ADCY2: variants seen among roughly 807,000 people sequenced by gnomAD.
ADCY2 encodes adenylate cyclase 2.
ADCY2 carries 31 observed loss-of-function variants against 125.2 expected under a neutral mutation model. That is an observed-to-expected ratio of 0.25 (90% confidence interval 0.19 to 0.33). ADCY2 has a LOEUF of 0.33. Ranked by LOEUF, ADCY2 falls within the 10% of genes least tolerant of loss-of-function variation. ADCY2 has a pLI of 1.00. For missense variants in ADCY2, 904 were observed against 1,418.2 expected (o/e 0.64, Z 5.82); for synonymous variants, 512 against 548.4 (o/e 0.93, Z 0.93).
intron 22 of ADCY2, among the ~76,000 whole-genome samples, chr5:7,805,130 A>G (rs965787083): frequency 6.6e-6 from 1 of 151,708 alleles, no homozygotes; most frequent in Non-Finnish European, 1.5e-5. Context: ...AACCTGGGCA[A>G]CATAGTGAAA....
chr5:7,714,612 C>T (rs1375041708), intron 11 of ADCY2, among the ~76,000 whole-genome samples: 1 of 152,218 alleles, frequency 6.6e-6, no homozygotes, highest in Non-Finnish European at 1.5e-5. Context: ...CATTTGTGCC[C>T]AGGCTCTGTG....
chr5:7,581,978 G>T (rs976078881), intron 3 of ADCY2, among the ~76,000 whole-genome samples: 1 of 152,106 alleles, frequency 6.6e-6, no homozygotes. Flanking sequence ...CTGACTAAAA[G>T]ATGATATTTT....
At position 7,816,902 on chromosome 5, in the gene ADCY2, G is replaced by A; in HGVS notation, c.2920G>A (p.Val974Met). Reference sequence around the variant, plus strand: ...GCAGTACATGCACATTGGCACCATGGTGGAGTTTGCTTTTGCCCTGGTAGG... The same window carrying A: ...GCAGTACATGCACATTGGCACCATGATGGAGTTTGCTTTTGCCCTGGTAGG... ...ERQYMHIGTM[V>M]EFAFALVGKL... The change falls in exon 23 of 25, where the codon GTG becomes ATG. Residue 974 changes from valine (V) to methionine (M), a missense_variant. Val to Met is a conservative substitution (Grantham distance 21, BLOSUM62 1). Transcript: ENST00000338316. The A allele has an allele frequency of 6.2e-7, 1 of 1,614,160 alleles. No homozygotes were observed. The highest frequency in any genetic ancestry group is 8.5e-7 in the Non-Finnish European group (1 of 1,180,016).
At chr5:7,817,823 C>CAAAAAAA (rs57731885) in intron 23 of ADCY2, among the ~76,000 whole-genome samples, 26 of 78,302 alleles carry the variant, frequency 3.3e-4, no homozygotes, top group Non-Finnish European at 5.6e-4. Context: ...ACGCTGTCAC[C>CAAAAAAA]AAAAAAAAAA....
intron 2 of ADCY2, among the ~76,000 whole-genome samples, chr5:7,445,126 T>C (rs1271930625): frequency 6.6e-6 from 1 of 152,250 alleles, no homozygotes; most frequent in South Asian, 2.1e-4. Flanking sequence ...AATCTTATAG[T>C]GTGTTTGGAG....
intron 22 of ADCY2, among the ~76,000 whole-genome samples, chr5:7,810,692 A>G (rs1744912594): frequency 6.6e-6 from 1 of 152,094 alleles, no homozygotes; most frequent in African/African-American, 2.4e-5. Flanking sequence ...TTGGTGGGTT[A>G]TCTACCTGAT....
chr5:7,530,000 A>G (rs1734590549), intron 3 of ADCY2, among the ~76,000 whole-genome samples: 1 of 152,130 alleles, frequency 6.6e-6, no homozygotes, highest in African/African-American at 2.4e-5. Context: ...CCTAATAAAC[A>G]CAACCTCATT....
intron 2 of ADCY2, among the ~76,000 whole-genome samples, chr5:7,430,929 G>A (rs190205066): frequency 2.0e-5 from 3 of 152,234 alleles, no homozygotes; most frequent in Admixed American, 2.0e-4. Context: ...CAATGACAAT[G>A]TTAAATGTTA....
chr5:7,404,146 T>A (rs1739380903), intron 1 of ADCY2, among the ~76,000 whole-genome samples: 1 of 152,224 alleles, frequency 6.6e-6, no homozygotes. Context: ...AATTCTCAAA[T>A]TTAACTGCAT....
intron 15 of ADCY2, among the ~76,000 whole-genome samples, chr5:7,754,862 G>GAAA (rs905197674): frequency 7.2e-6 from 1 of 139,444 alleles, no homozygotes; most frequent in African/African-American, 2.6e-5. Flanking sequence ...TCCGTCTCAG[G>GAAA]AAAAAAAAAA....
intron 2 of ADCY2, among the ~76,000 whole-genome samples, chr5:7,445,013 A>C (rs542128594): frequency 6.6e-6 from 1 of 152,292 alleles, no homozygotes; most frequent in East Asian, 1.9e-4. Context: ...CTTTGATTTA[A>C]GTTGCAAAGA....
At chr5:7,697,983 A>G (rs1026315218) in intron 6 of ADCY2, among the ~76,000 whole-genome samples, 12 of 152,176 alleles carry the variant, frequency 7.9e-5, no homozygotes, top group African/African-American at 1.9e-4. Context: ...CTCTGCTTCT[A>G]TGAAGTGTAA....
chr5:7,437,150 A>T (rs994278719), intron 2 of ADCY2, among the ~76,000 whole-genome samples: 1 of 152,192 alleles, frequency 6.6e-6, no homozygotes, highest in African/African-American at 2.4e-5. Context: ...GCTGGACAGG[A>T]CTTTTACAAA....
intron 5 of ADCY2, among the ~76,000 whole-genome samples, chr5:7,695,511 A>T (rs752699864): frequency 2.0e-5 from 3 of 152,172 alleles, no homozygotes; most frequent in East Asian, 1.9e-4. Context: ...TACAAACAGA[A>T]TTTTTTTAAA....
At chr5:7,680,957 G>A (rs572832365) in intron 4 of ADCY2, among the ~76,000 whole-genome samples, 12 of 152,318 alleles carry the variant, frequency 7.9e-5, no homozygotes, top group Non-Finnish European at 2.9e-5. Context: ...AAAATACCAT[G>A]TGCCAGCAAC....
At position 7,521,773 on chromosome 5, in the gene ADCY2, A is replaced by C. The variant is rs114074009; in HGVS notation, c.570+874A>C. On this transcript the variant is annotated intron_variant, in intron 3 of 24. Transcript: ENST00000338316. ...AGGTGGAAGTGAAGGCTCACTCTTG[A>C]GTCTATAGTAGTCTCTCTCAGTTGG... Among the ~76,000 whole-genome samples, 322 of 152,292 alleles carry C rather than the reference A, an allele frequency of 2.1e-3. 1 individual carries two copies. Among genetic ancestry groups the C allele is most frequent in the African/African-American group, 7.2e-3 (298 of 41,578 alleles).
chr5:7,723,642 G>T (rs1361500023), intron 12 of ADCY2, among the ~76,000 whole-genome samples: 1 of 152,090 alleles, frequency 6.6e-6, no homozygotes, highest in African/African-American at 2.4e-5. Context: ...AAAAACTCGG[G>T]ACAGGCGCGG....
At chr5:7,693,653 C>G (rs1740792726) in intron 5 of ADCY2, among the ~76,000 whole-genome samples, 2 of 152,088 alleles carry the variant, frequency 1.3e-5, no homozygotes, top group Non-Finnish European at 2.9e-5. Context: ...GAACTCCTGG[C>G]CTCAGGTGAT....
chr5:7,759,200 G>A (rs1743112894), intron 16 of ADCY2, among the ~76,000 whole-genome samples: 1 of 152,178 alleles, frequency 6.6e-6, no homozygotes, highest in Admixed American at 6.5e-5. Flanking sequence ...TGAGTTTGGG[G>A]ACAAGTATGC....
Sources: gnomAD v4.1 joint callset for allele counts (sites outside exome capture counted in the v4.1 genomes callset) on GRCh38, gnomAD v4.1.1 for gene constraint, MANE v1.5 for transcripts, NCBI Gene and HGNC (gene_info 2026-07-23, HGNC 2026-07-21) for gene names.